PKIG: variants seen among roughly 807,000 people sequenced by gnomAD.
The protein encoded by PKIG is protein kinase (cAMP-dependent, catalytic) inhibitor gamma.
Under a neutral mutation model 6.8 loss-of-function variants are expected in PKIG, and 1 was observed. The observed-to-expected ratio is 0.15, with a 90% CI of 0.05 to 0.69. PKIG has a LOEUF of 0.69. Among genes scored for constraint, PKIG ranks in the 30% least tolerant of loss-of-function variants. The pLI is 0.82. For missense variants in PKIG, 77 were observed against 104.0 expected (o/e 0.74, Z 1.13); for synonymous variants, 39 against 43.0 (o/e 0.91, Z 0.36).
At chr20:44,575,138 A>G (rs1303801498) in intron 1 of PKIG, among the ~76,000 whole-genome samples, 2 of 151,552 alleles carry the variant, frequency 1.3e-5, no homozygotes, top group African/African-American at 4.9e-5. Flanking sequence ...TGCAACCTCC[A>G]CCTCCCAAGG....
upstream of PKIG, among the ~76,000 whole-genome samples, chr20:44,580,347 GTTTTTTGT>G (rs1467163956): frequency 6.6e-6 from 1 of 151,258 alleles, no homozygotes; most frequent in African/African-American, 2.4e-5. Context: ...TTTGTTTTTT[GTTTTTTGT>G]TTTTTTTTTA....
chr20:44,554,736 T>G (rs1475951872), intron 1 of PKIG, among the ~76,000 whole-genome samples: 1 of 152,148 alleles, frequency 6.6e-6, no homozygotes, highest in Admixed American at 6.5e-5. Flanking sequence ...AGATCCAAAG[T>G]GTCTATGCAG....
rs564381777 is a variant in PKIG at position 44,572,716 on chromosome 20, T to A, written c.-240-9869T>A. Among the ~76,000 whole-genome samples, 169 of 152,280 alleles carry A rather than the reference T, an allele frequency of 1.1e-3. 1 individual carries two copies. The highest frequency in any genetic ancestry group is 3.9e-3 in the African/African-American group (162 of 41,562). On this transcript the variant is annotated intron_variant, in intron 1 of 4. Coordinates refer to the PKIG transcript ENST00000372887. ...TAAACAGCCTCTTCTCCCTAACTGC[T>A]GCTTGGCCATTGTTCAGATGCCAGC...
intron 2 of PKIG, among the ~76,000 whole-genome samples, chr20:44,594,233 C>T (rs2065057333): frequency 6.6e-6 from 1 of 152,166 alleles, no homozygotes; most frequent in Non-Finnish European, 1.5e-5. Context: ...TAACCACCAC[C>T]CTTTATTGAG....
At position 44,548,903 on chromosome 20, in the gene PKIG, CATAT is replaced by C. The variant is rs1184403763; in HGVS notation, c.-241+16928_-241+16931del. Among the ~76,000 whole-genome samples the C allele has an allele frequency of 5.4e-4, 44 of 81,272 alleles. 1 individual carries two copies. Among genetic ancestry groups the C allele is most frequent in the African/African-American group, 2.9e-3 (42 of 14,736 alleles). The allele number at this position is 81,272 out of a possible 152,430, so 53.3% of individuals were successfully genotyped here. A position where few individuals can be genotyped will look rare whatever the true frequency, so the allele number is the denominator to read the frequency against. ...ACACACACACACACACACACACACA[CATAT>C]ATCTGTCTGAGATAATAATTAGATA... On this transcript the variant is annotated intron_variant, in intron 1 of 4. Coordinates refer to the PKIG transcript ENST00000372887.
At chr20:44,565,796 T>A (rs1426841513) in intron 1 of PKIG, among the ~76,000 whole-genome samples, 1 of 152,214 alleles carries the variant, frequency 6.6e-6, no homozygotes, top group Non-Finnish European at 1.5e-5. Context: ...AGAGTATTGC[T>A]CTGTCGCCCA....
At chr20:44,590,153 T>C (rs1430617900) in intron 2 of PKIG, among the ~76,000 whole-genome samples, 1 of 152,190 alleles carries the variant, frequency 6.6e-6, no homozygotes, top group Non-Finnish European at 1.5e-5. Flanking sequence ...CCCGGCCATG[T>C]ACTTAAGCTT....
upstream of PKIG, among the ~76,000 whole-genome samples, chr20:44,581,628 T>A (rs946165576): frequency 6.6e-6 from 1 of 152,238 alleles, no homozygotes; most frequent in African/African-American, 2.4e-5. Context: ...TATAGCCTGT[T>A]ACTTGTTTGT....
At position 44,614,394 on chromosome 20, in the gene PKIG, T is replaced by G. The variant is rs1230822141; in HGVS notation, c.-23-140T>G. On this transcript the variant is annotated intron_variant, in intron 2 of 3. Transcript: ENST00000372886. This position sits in a 1 kb window ranked among gnomAD's most constrained non-coding sequence, Gnocchi z 4.6. ...GTGACTTGTTTTGTTCTTTGTACTT[T>G]TCTGTGCTTTTTGCTTTGTTTTCAA... 12 of 619,582 alleles carry G rather than the reference T, an allele frequency of 1.9e-5. No individual in the cohort carries two copies. In the Admixed American group the frequency reaches 3.5e-4, roughly 18 times the overall value. The allele number at this position is 619,582 out of a possible 1,614,324, so 38.4% of individuals were successfully genotyped here. A position where few individuals can be genotyped will look rare whatever the true frequency, so the allele number is the denominator to read the frequency against.
chr20:44,551,289 T>C (rs986634017), intron 1 of PKIG, among the ~76,000 whole-genome samples: 11 of 152,256 alleles, frequency 7.2e-5, no homozygotes, highest in African/African-American at 1.9e-4. Flanking sequence ...CTCCTGACCT[T>C]GTGATCTGCC....
chr20:44,549,636 G>A (rs914509157), intron 1 of PKIG, among the ~76,000 whole-genome samples: 1 of 152,108 alleles, frequency 6.6e-6, no homozygotes, highest in African/African-American at 2.4e-5. Flanking sequence ...ACCAGCCTGG[G>A]CAACAAAGTA....
At chr20:44,563,020 A>T (rs2064781042) in intron 1 of PKIG, among the ~76,000 whole-genome samples, 1 of 152,212 alleles carries the variant, frequency 6.6e-6, no homozygotes, top group Non-Finnish European at 1.5e-5. Context: ...ATTGCACTCC[A>T]GTCTGGTTGA....
upstream of PKIG, among the ~76,000 whole-genome samples, chr20:44,578,164 C>T (rs1269950986): frequency 6.6e-6 from 1 of 151,676 alleles, no homozygotes; most frequent in East Asian, 2.0e-4. Flanking sequence ...CACGGTGAAA[C>T]CCCATCTCTA....
intron 1 of PKIG, among the ~76,000 whole-genome samples, chr20:44,547,904 T>C (rs1046150725): frequency 2.0e-5 from 3 of 151,970 alleles, no homozygotes; most frequent in Admixed American, 6.6e-5. Context: ...AGGCTGGGCA[T>C]GGTGGCTCAT....
intron 1 of PKIG, among the ~76,000 whole-genome samples, chr20:44,539,152 C>T (rs918742375): frequency 7.2e-5 from 11 of 152,286 alleles, no homozygotes; most frequent in African/African-American, 2.2e-4. Context: ...TGGTCTCGAA[C>T]TCCTGACCTC....
At chr20:44,581,579 C>T (rs1233519276), upstream of PKIG, among the ~76,000 whole-genome samples, 11 of 152,170 alleles carry the variant, frequency 7.2e-5, no homozygotes, top group Non-Finnish European at 1.3e-4. Flanking sequence ...AATGATCTCT[C>T]GTAACCACTG....
At chr20:44,617,292 A>G (rs76540957) in intron 3 of PKIG, among the ~76,000 whole-genome samples, 5,186 of 152,216 alleles carry the variant, frequency 0.034, 126 homozygotes, top group Non-Finnish European at 0.051. Flanking sequence ...GCACCTAGTA[A>G]CATTGCACAG....
At chr20:44,560,576 A>G (rs929687044) in intron 1 of PKIG, among the ~76,000 whole-genome samples, 1 of 152,210 alleles carries the variant, frequency 6.6e-6, no homozygotes, top group Admixed American at 6.5e-5. Flanking sequence ...GTCTTCATAT[A>G]TGAGGACAGA....
rs182451874 is a variant in PKIG at position 44,585,593 on chromosome 20, C to G, written c.-94+2862C>G. 1.6e-4 allele frequency among the ~76,000 whole-genome samples: 25 copies of G among 152,330 alleles called. No homozygotes were observed. The East Asian group carries it at 3.9e-3, about 23-fold the overall frequency. On this transcript the variant is annotated intron_variant, in intron 1 of 3. Transcript: ENST00000372886. ...GTTCCCAATGAGAACTGGTTGTCCC[C>G]GAAGCCCTTGAATATTTCACCATAC...
Sources: allele counts gnomAD v4.1 joint callset (sites outside exome capture counted in the v4.1 genomes callset), GRCh38; gene constraint gnomAD v4.1.1; non-coding constraint Gnocchi (gnomAD v3.1); transcripts MANE v1.5; gene names NCBI Gene and HGNC (gene_info 2026-07-23, HGNC 2026-07-21).